NSUN2: variants seen among roughly 807,000 people sequenced by gnomAD.
The protein encoded by NSUN2 is NOP2/Sun RNA methyltransferase 2.
Under a neutral mutation model 92.7 loss-of-function variants are expected in NSUN2, and 63 were observed. The observed-to-expected ratio is 0.68, with a 90% CI of 0.56 to 0.84. The LOEUF (loss-of-function observed/expected upper bound fraction) is 0.84, where lower values mean the gene tolerates loss of function less well. NSUN2 is among the 40% of genes least tolerant of loss of function. The pLI is 0.00. For missense variants in NSUN2, 989 were observed against 964.9 expected, an observed-to-expected ratio of 1.02 and a Z score of -0.33; for synonymous variants, 356 against 348.3, an observed-to-expected ratio of 1.02 and a Z score of -0.25.
chr5:6,620,116 C>T lies in NSUN2; in HGVS notation c.805G>A (p.Val269Ile), dbSNP rs1737376585. 1 of 1,594,040 alleles carries T rather than the reference C, an allele frequency of 6.3e-7. No individual in the cohort carries two copies. Among genetic ancestry groups the T allele is most frequent in the African/African-American group, 1.4e-5 (1 of 73,726 alleles). Residue 269 changes from valine (V) to isoleucine (I), a missense_variant, in exon 7 of 19, where the codon GTC (valine) becomes ATC (isoleucine). Coordinates refer to ENST00000264670, the MANE Select transcript of NSUN2 (RefSeq NM_017755.6). ...ILFYDRILCDVPCSGDGTMRK... is the reference protein window; with the variant it reads ...ILFYDRILCDIPCSGDGTMRK... Reference sequence around the variant, plus strand: ...CAATAAGATAAATACCTGCAAGGGACATCACATAAAATTCGATCATAGAAG... The same window carrying T: ...CAATAAGATAAATACCTGCAAGGGATATCACATAAAATTCGATCATAGAAG...
At chr5:6,624,869 A>T (rs1737587661) in intron 4 of NSUN2, among the ~76,000 whole-genome samples, 1 of 152,252 alleles carries the variant, frequency 6.6e-6, no homozygotes, top group African/African-American at 2.4e-5. Context: ...TCCAAAAAAA[A>T]TACCCAAACT....
rs951683735 is a variant in NSUN2, at chr5:6,606,968, T to A, written c.1509-56A>T. 3.6e-6 allele frequency: 4 copies of A among 1,114,550 alleles called. No individual in the cohort carries two copies. The African/African-American group carries it at 6.2e-5, about 17-fold the overall frequency. The allele number at this position is 1,114,550 out of a possible 1,614,324, so 69.0% of individuals were successfully genotyped here. A position where few individuals can be genotyped will look rare whatever the true frequency, so the allele number is the denominator to read the frequency against. On this transcript the variant is annotated intron_variant, in intron 13 of 18. Coordinates refer to ENST00000264670, the MANE Select transcript of NSUN2 (RefSeq NM_017755.6). ...ATCTGTAATGTGTGGTAACCTTCAA[T>A]ACCAAAAGCACATTCTTCCTTTCTG...
rs1172903940 is a variant in NSUN2, at chr5:6,604,554, C to A, written c.1818+51G>T. 3 of 1,526,880 alleles carry A rather than the reference C, an allele frequency of 2.0e-6. No individual in the cohort carries two copies. The East Asian group carries it at 6.8e-5, about 34-fold the overall frequency. 94.6% of individuals were successfully genotyped at this position (1,526,880 alleles called of 1,614,324 possible). On this transcript the variant is annotated intron_variant, in intron 16 of 18. Transcript: ENST00000264670. The stretch of plus-strand genomic sequence containing the variant: ...GACCAGCAAGCCCATCTACTCCCGA[C>A]TGCTTCAGTCATCTGTGGCTACTGC...
intron 9 of NSUN2, among the ~76,000 whole-genome samples, chr5:6,616,347 G>C (rs1737211420): frequency 6.6e-6 from 1 of 152,198 alleles, no homozygotes; most frequent in Non-Finnish European, 1.5e-5. Flanking sequence ...TTTTGACACA[G>C]ACAACAACAC....
chr5:6,619,477 C>T (rs955766847), intron 7 of NSUN2, among the ~76,000 whole-genome samples: 1 of 152,152 alleles, frequency 6.6e-6, no homozygotes, highest in Non-Finnish European at 1.5e-5. Flanking sequence ...CCTATGGGAA[C>T]GGAACAGATG....
chr5:6,605,139 G>T, intron 15 of NSUN2, 134 bp downstream of exon 15: 2 of 1,194,708 alleles, frequency 1.7e-6, no homozygotes, highest in Non-Finnish European at 2.4e-6. Context: ...CAAAGGGCAG[G>T]CTCAGGGACC....
At chr5:6,602,925 T>G (rs1174569131) in intron 17 of NSUN2, among the ~76,000 whole-genome samples, 1 of 152,240 alleles carries the variant, frequency 6.6e-6, no homozygotes. Context: ...AGAAAACCAG[T>G]ATAAACAGGT....
intron 11 of NSUN2, among the ~76,000 whole-genome samples, chr5:6,610,341 T>C (rs1579361181): frequency 6.6e-6 from 1 of 151,850 alleles, no homozygotes; most frequent in Non-Finnish European, 1.5e-5. Flanking sequence ...CCTCCCAAAG[T>C]GCTGGGGATT....
chr5:6,627,211 T>G (rs74767366), intron 3 of NSUN2, among the ~76,000 whole-genome samples: 301 of 152,358 alleles, frequency 2.0e-3, no homozygotes, highest in African/African-American at 7.0e-3. Context: ...AAGAATTGTT[T>G]TAAATAATCT....
intron 3 of NSUN2, among the ~76,000 whole-genome samples, chr5:6,627,099 G>A (rs1737684484): frequency 6.6e-6 from 1 of 152,162 alleles, no homozygotes; most frequent in Non-Finnish European, 1.5e-5. Flanking sequence ...AAGGTCCCCA[G>A]CGCTTTGATT....
At position 6,616,850 on chromosome 5, in the gene NSUN2, G is replaced by A. The variant is rs1737233041; in HGVS notation, c.898C>T (p.Leu300=). 3.1e-6 allele frequency: 5 copies of A among 1,613,128 alleles called. No homozygotes were observed. The highest frequency in any genetic ancestry group is 4.2e-6 in the Non-Finnish European group (5 of 1,179,442). ...TCAGCCCCGCGTGTTGCAATCCGCA[G>A]CTGTAAGCTAAGGGGAGATATCAGA... ...LNSLQLHGLQ[L]RIATRGAEQL... Residue 300 remains leucine (L), a synonymous_variant, in exon 9 of 19, where the codon CTG becomes TTG. Transcript: ENST00000264670.
At chr5:6,632,012 A>G in intron 2 of NSUN2, 35 bp from the exon 3 acceptor site, 1 of 1,500,256 alleles carries the variant, frequency 6.7e-7, no homozygotes, top group Non-Finnish European at 9.2e-7. Context: ...AACTGATCTA[A>G]AAAACTAAGT....
At position 6,621,818 on chromosome 5, in the gene NSUN2, T is replaced by C. The variant is rs1737459151; in HGVS notation, c.622+198A>G. 6.0e-6 allele frequency: 3 copies of C among 501,766 alleles called. 1 individual carries two copies. Among genetic ancestry groups the C allele is most frequent in the South Asian group, 6.4e-5 (2 of 31,402 alleles). 31.1% of individuals were successfully genotyped at this position (501,766 alleles called of 1,614,324 possible). On this transcript the variant is annotated intron_variant, in intron 6 of 18. Coordinates refer to ENST00000264670, the MANE Select transcript of NSUN2 (RefSeq NM_017755.6). Reference sequence around the variant, plus strand: ...ATAATTCTAAAATAAAGCTCCCCCATGGTATGAGTGTGTTTGTTTGAGTAC... The same window carrying C: ...ATAATTCTAAAATAAAGCTCCCCCACGGTATGAGTGTGTTTGTTTGAGTAC...
At chr5:6,630,864 G>T (rs184099025) in intron 3 of NSUN2, among the ~76,000 whole-genome samples, 1 of 152,320 alleles carries the variant, frequency 6.6e-6, no homozygotes, top group African/African-American at 2.4e-5. Flanking sequence ...GGAGGCCGAG[G>T]TGGGCGGATC....
intron 18 of NSUN2, 77 bp from the exon 19 acceptor site, chr5:6,600,309 C>G: frequency 7.4e-7 from 1 of 1,348,908 alleles, no homozygotes; most frequent in Non-Finnish European, 1.0e-6. Context: ...TATGCAACTG[C>G]TTAAAAAAGA....
intron 2 of NSUN2, among the ~76,000 whole-genome samples, 192 bp downstream of exon 2, chr5:6,632,407 A>C (rs1345568156): frequency 6.6e-6 from 1 of 152,152 alleles, no homozygotes; most frequent in Admixed American, 6.5e-5. Flanking sequence ...TTCGTCTTCT[A>C]ACCTTGCGCC....
At chr5:6,609,753 T>G in intron 12 of NSUN2, 73 bp downstream of exon 12, 1 of 1,225,942 alleles carries the variant, frequency 8.2e-7, no homozygotes, top group East Asian at 2.3e-5. Context: ...GTACTTCTAC[T>G]AAACTCCGGT....
chr5:6,604,334 C>A, intron 16 of NSUN2, 58 bp from the exon 17 acceptor site: 1 of 1,455,620 alleles, frequency 6.9e-7, no homozygotes, highest in African/African-American at 1.4e-5. Flanking sequence ...TGAACGACAA[C>A]AGCCTGCTCT....
rs556020639 is a variant in NSUN2, at chr5:6,632,936, C to A, written c.44G>T (p.Arg15Leu). The A allele has an allele frequency of 6.6e-7, 1 of 1,510,452 alleles. No homozygotes were observed. Among genetic ancestry groups the A allele is most frequent in the Non-Finnish European group, 8.8e-7 (1 of 1,136,876 alleles). The allele number at this position is 1,510,452 out of a possible 1,614,324, so 93.6% of individuals were successfully genotyped here. Reference sequence around the variant, plus strand: ...GGCGCCATCCTCCGCGTCCTCCGGCCGCTGCTGTTGCTGGAGCCGCCGACC... The same window carrying A: ...GGCGCCATCCTCCGCGTCCTCCGGCAGCTGCTGTTGCTGGAGCCGCCGACC... The part of the protein sequence containing the change: ...SRGRRLQQQQ[R>L]PEDAEDGAEG... Residue 15 changes from arginine (R) to leucine (L), a missense_variant, in exon 1 of 19, where the codon CGG becomes CTG. Around this residue, in one of 3 missense-constraint regions of NSUN2, gnomAD observed 356 missense variants for 338.6 expected, o/e 1.05. Coordinates refer to ENST00000264670, the MANE Select transcript of NSUN2 (RefSeq NM_017755.6).
Sources: gnomAD v4.1 joint callset for allele counts (sites outside exome capture counted in the v4.1 genomes callset) on GRCh38, gnomAD v4.1.1 for gene constraint, gnomAD v4.1.1 regional missense constraint, MANE v1.5 for transcripts, NCBI Gene and HGNC (gene_info 2026-07-23, HGNC 2026-07-21) for gene names.